The following ZNF407 variants were observed in gnomAD, a reference collection of about 807,000 sequenced individuals.
ZNF407 encodes the protein zinc finger protein 407.
Under a neutral mutation model 131.2 loss-of-function variants are expected in ZNF407, and 17 were observed. The observed-to-expected ratio is 0.13, with a 90% CI of 0.09 to 0.19. The LOEUF (loss-of-function observed/expected upper bound fraction) is 0.19, where lower values mean the gene tolerates loss of function less well. ZNF407 is among the 10% of genes least tolerant of loss of function. The probability of loss-of-function intolerance (pLI) is 1.00; values close to 1 mark genes in which losing one functional copy is unlikely to be tolerated. For missense variants in ZNF407, 2,681 were observed against 2,830.6 expected, an observed-to-expected ratio of 0.95 and a Z score of 1.20; for synonymous variants, 1,156 against 1,062.0, an observed-to-expected ratio of 1.09 and a Z score of -1.72.
intron 3 of ZNF407, among the ~76,000 whole-genome samples, chr18:74,651,187 C>T (rs1985211283): frequency 6.6e-6 from 1 of 151,988 alleles, no homozygotes; most frequent in Admixed American, 6.6e-5. Flanking sequence ...TGGAAAATGA[C>T]AGTTTTAAAA....
intron 3 of ZNF407, among the ~76,000 whole-genome samples, chr18:74,720,178 T>C (rs957552681): frequency 5.3e-5 from 1 of 18,802 alleles, no homozygotes; most frequent in East Asian, 0.01. Flanking sequence ...CATTTGCTAT[T>C]TTTTTTTTTG....
intron 8 of ZNF407, among the ~76,000 whole-genome samples, chr18:74,980,039 T>A (rs1188960425): frequency 6.6e-6 from 1 of 152,176 alleles, no homozygotes; most frequent in Non-Finnish European, 1.5e-5. Context: ...TTATATTTTA[T>A]TAAAATAACA....
intron 3 of ZNF407, among the ~76,000 whole-genome samples, chr18:74,642,661 T>C (rs1467133420): frequency 6.6e-6 from 1 of 152,154 alleles, no homozygotes; most frequent in Non-Finnish European, 1.5e-5. Flanking sequence ...ATTTGAACAG[T>C]GCCCACCCTG....
At chr18:74,737,224 G>A (rs1968438341) in intron 3 of ZNF407, among the ~76,000 whole-genome samples, 1 of 152,118 alleles carries the variant, frequency 6.6e-6, no homozygotes, top group Non-Finnish European at 1.5e-5. Context: ...GAGAAGTTTT[G>A]TTAAGCAAGA....
intron 1 of ZNF407, among the ~76,000 whole-genome samples, chr18:74,603,492 T>C (rs1982670389): frequency 6.6e-6 from 1 of 152,214 alleles, no homozygotes; most frequent in Non-Finnish European, 1.5e-5. Context: ...ATCTTCTCTC[T>C]ATGAAGCAGT....
chr18:74,834,038 CTT>C (rs1415180499), intron 4 of ZNF407, among the ~76,000 whole-genome samples: 3 of 152,188 alleles, frequency 2.0e-5, no homozygotes, highest in African/African-American at 4.8e-5. Flanking sequence ...AATAGTCTAA[CTT>C]TGCATAGAAT....
chr18:75,058,751 A>T (rs1973590785), intron 8 of ZNF407, among the ~76,000 whole-genome samples: 1 of 152,236 alleles, frequency 6.6e-6, no homozygotes, highest in Non-Finnish European at 1.5e-5. Flanking sequence ...AAAGAGCTCA[A>T]AACTGGAGGT....
At chr18:74,682,535 A>C (rs1245067473) in intron 3 of ZNF407, among the ~76,000 whole-genome samples, 1 of 152,170 alleles carries the variant, frequency 6.6e-6, no homozygotes, top group Non-Finnish European at 1.5e-5. Flanking sequence ...TTAGTTTTCT[A>C]AGGTGTGTAA....
chr18:75,008,826 C>A (rs565926756), intron 8 of ZNF407, among the ~76,000 whole-genome samples: 1 of 152,106 alleles, frequency 6.6e-6, no homozygotes, highest in East Asian at 1.9e-4. Context: ...TGCTGTAAGG[C>A]GTGACATAAA....
intron 4 of ZNF407, among the ~76,000 whole-genome samples, chr18:74,825,097 C>A (rs1970391771): frequency 6.6e-6 from 1 of 152,156 alleles, no homozygotes; most frequent in Non-Finnish European, 1.5e-5. Context: ...ATAAACAGAA[C>A]CAGTGACAAA....
At chr18:74,599,853 A>G (rs1781068227) in intron 1 of ZNF407, among the ~76,000 whole-genome samples, 1 of 152,224 alleles carries the variant, frequency 6.6e-6, no homozygotes, top group Non-Finnish European at 1.5e-5. Flanking sequence ...GAATAGGCGA[A>G]TAAATTAAGC....
chr18:74,966,961 T>G (rs892496598), intron 8 of ZNF407, among the ~76,000 whole-genome samples: 20 of 152,214 alleles, frequency 1.3e-4, no homozygotes, highest in South Asian at 4.1e-4. Context: ...ATGTCCCAAA[T>G]TTTTAAAGAA....
chr18:74,968,305 C>G (rs1972432322), intron 8 of ZNF407, among the ~76,000 whole-genome samples: 1 of 152,160 alleles, frequency 6.6e-6, no homozygotes, highest in Admixed American at 6.5e-5. Context: ...ATATTGTAGC[C>G]TTGAATATAG....
intron 8 of ZNF407, among the ~76,000 whole-genome samples, chr18:75,000,316 A>AG (rs1311547882): frequency 2.6e-5 from 4 of 152,232 alleles, no homozygotes; most frequent in Non-Finnish European, 4.4e-5. Flanking sequence ...CCTAGCACAG[A>AG]GGATTCTTTT....
intron 4 of ZNF407, among the ~76,000 whole-genome samples, chr18:74,835,585 A>C (rs1970543813): frequency 6.6e-6 from 1 of 151,498 alleles, no homozygotes; most frequent in South Asian, 2.1e-4. Context: ...CTTGTGGTAG[A>C]AGGAAAATTT....
intron 3 of ZNF407, among the ~76,000 whole-genome samples, chr18:74,678,179 A>T (rs145498314): frequency 1.2e-3 from 180 of 152,180 alleles, no homozygotes; most frequent in Middle Eastern, 3.4e-3. Flanking sequence ...TACAGTAATA[A>T]CTTGAGATCT....
At chr18:74,964,077 C>T (rs1356461901) in intron 8 of ZNF407, among the ~76,000 whole-genome samples, 3 of 152,168 alleles carry the variant, frequency 2.0e-5, no homozygotes, top group Admixed American at 6.5e-5. Flanking sequence ...CTATTGACCG[C>T]GCCTATCACG....
At chr18:74,699,224 G>A (rs553947788) in intron 3 of ZNF407, among the ~76,000 whole-genome samples, 31 of 152,200 alleles carry the variant, frequency 2.0e-4, no homozygotes, top group Non-Finnish European at 4.1e-4. Context: ...ATCTGCTATG[G>A]ACACACTTCA....
At chr18:74,643,056 G>A (rs1032160704) in intron 3 of ZNF407, among the ~76,000 whole-genome samples, 10 of 152,070 alleles carry the variant, frequency 6.6e-5, no homozygotes, top group Non-Finnish European at 1.5e-4. Flanking sequence ...ACCCTTCAGT[G>A]TTGCAGAAAA....
Sources: allele counts gnomAD v4.1 joint callset (sites outside exome capture counted in the v4.1 genomes callset), GRCh38; gene constraint gnomAD v4.1.1; transcripts MANE v1.5; gene names NCBI Gene and HGNC (gene_info 2026-07-23, HGNC 2026-07-21).